The following CFAP54 variants were observed in gnomAD, a reference collection of about 807,000 sequenced individuals.
CFAP54 encodes cilia and flagella associated protein 54, also known as cilia- and flagella-associated protein 54.
In CFAP54, 290 loss-of-function variants were observed where a neutral mutation model predicts 370.4. The ratio of observed to expected loss-of-function variants is 0.78; its 90% CI spans 0.71 to 0.86. The LOEUF (loss-of-function observed/expected upper bound fraction) is 0.86, where lower values mean the gene tolerates loss of function less well. Among genes scored for constraint, CFAP54 ranks in the 40% least tolerant of loss-of-function variants. CFAP54 has a pLI of 0.00. For missense variants in CFAP54, 3,399 were observed against 3,528.7 expected (o/e 0.96, Z 0.93); for synonymous variants, 1,206 against 1,236.5 (o/e 0.98, Z 0.52).
intron 67 of CFAP54, among the ~76,000 whole-genome samples, chr12:96,869,960 G>A (rs1214638172): frequency 3.4e-5 from 5 of 148,310 alleles, no homozygotes; most frequent in Admixed American, 6.7e-5. Context: ...AAAAAAGGAA[G>A]GAAGGAAGGT....
chr12:96,684,934 G>A (rs944523159), intron 41 of CFAP54, 95 bp from the exon 42 acceptor site: 9 of 1,163,888 alleles, frequency 7.7e-6, no homozygotes, highest in Non-Finnish European at 1.1e-5. Context: ...TATGTTAATT[G>A]ACGTTGCTTC....
At chr12:96,534,713 A>G (rs946571698) in intron 11 of CFAP54, among the ~76,000 whole-genome samples, 7 of 152,184 alleles carry the variant, frequency 4.6e-5, no homozygotes, top group Admixed American at 1.3e-4. Flanking sequence ...TCTGCTTTTT[A>G]CACCAAAGAG....
intron 39 of CFAP54, among the ~76,000 whole-genome samples, chr12:96,673,649 AGCATGTTG>A (rs1957172550): frequency 6.6e-6 from 1 of 152,178 alleles, no homozygotes; most frequent in Non-Finnish European, 1.5e-5. Context: ...CATATTTATA[AGCATGTTG>A]GGTCTTATGT....
rs907223204 is a variant in CFAP54 at position 96,641,031 on chromosome 12, C to T, written c.4317-3147C>T. Reference sequence around the variant, plus strand: ...ATAGGCATGGGCAAGGACTTCATGTCTAAAACACCAAAAGCAATGGCAAGA... The same window carrying T: ...ATAGGCATGGGCAAGGACTTCATGTTTAAAACACCAAAAGCAATGGCAAGA... On this transcript the variant is annotated intron_variant, in intron 32 of 67. Coordinates refer to ENST00000524981, the MANE Select transcript of CFAP54 (RefSeq NM_001306084.2). Among the ~76,000 whole-genome samples, 18 of 152,162 alleles carry T rather than the reference C, an allele frequency of 1.2e-4. No individual in the cohort carries two copies. In the South Asian group the frequency reaches 1.5e-3, roughly 12 times the overall value.
chr12:96,698,276 A>G (rs1359951497), intron 45 of CFAP54, among the ~76,000 whole-genome samples: 1 of 152,224 alleles, frequency 6.6e-6, no homozygotes. Context: ...CTGCTGGATT[A>G]TATTCAAATT....
intron 27 of CFAP54, among the ~76,000 whole-genome samples, 154 bp downstream of exon 27, chr12:96,621,875 G>GTTTGTTTT (rs1956496257): frequency 5.0e-3 from 249 of 49,994 alleles, no homozygotes; most frequent in Middle Eastern, 0.026. Flanking sequence ...TTTTGGGTTT[G>GTTTGTTTT]TTTTTTTTTT....
intron 39 of CFAP54, among the ~76,000 whole-genome samples, chr12:96,669,680 C>T (rs1383519892): frequency 6.6e-6 from 1 of 152,096 alleles, no homozygotes; most frequent in East Asian, 1.9e-4. Flanking sequence ...TGGAGAGGGG[C>T]AGGTTAGAGG....
Position 96,751,632 on chromosome 12 carries a change from G to T in CFAP54, c.7685-2111G>T, listed in dbSNP as rs1471954452. Among the ~76,000 whole-genome samples the T allele has an allele frequency of 3.9e-5, 6 of 152,138 alleles. No homozygotes were observed. In the East Asian group the frequency reaches 1.2e-3, roughly 29 times the overall value. On this transcript the variant is annotated intron_variant, in intron 55 of 67. Coordinates refer to ENST00000524981, the MANE Select transcript of CFAP54 (RefSeq NM_001306084.2). Reference sequence around the variant, plus strand: ...CAAAAAGGGGAGATGTTGAAATATGGTTGTGCTGAACAAATTAGCATATCT... The same window carrying T: ...CAAAAAGGGGAGATGTTGAAATATGTTTGTGCTGAACAAATTAGCATATCT...
At chr12:96,816,807 A>C (rs1298132930) in intron 64 of CFAP54, among the ~76,000 whole-genome samples, 1 of 152,106 alleles carries the variant, frequency 6.6e-6, no homozygotes, top group Non-Finnish European at 1.5e-5. Flanking sequence ...CTTCAACTGT[A>C]AGCCTTTTCA....
At chr12:96,533,231 A>G (rs1955460285) in intron 9 of CFAP54, among the ~76,000 whole-genome samples, 2 of 152,096 alleles carry the variant, frequency 1.3e-5, no homozygotes, top group Admixed American at 1.3e-4. Flanking sequence ...CTTCTGAGTA[A>G]CAGAGACTAT....
intron 4 of CFAP54, among the ~76,000 whole-genome samples, chr12:96,510,115 T>A (rs1474014649): frequency 2.0e-5 from 3 of 151,704 alleles, no homozygotes; most frequent in African/African-American, 7.3e-5. Flanking sequence ...TGGCCGGGTG[T>A]GGTGGCGTGT....
At chr12:96,759,485 A>G (rs888344543) in intron 58 of CFAP54, among the ~76,000 whole-genome samples, 4 of 152,228 alleles carry the variant, frequency 2.6e-5, no homozygotes, top group African/African-American at 9.6e-5. Flanking sequence ...GTTTTGACAT[A>G]GTATAAATAT....
At chr12:96,740,162 G>T in intron 51 of CFAP54, 101 bp downstream of exon 51, 2 of 680,644 alleles carry the variant, frequency 2.9e-6, no homozygotes, top group South Asian at 1.9e-5. Context: ...AAGGAGTAAA[G>T]TAGAAAAAAC....
intron 15 of CFAP54, among the ~76,000 whole-genome samples, chr12:96,549,795 A>G (rs1955676172): frequency 6.6e-6 from 1 of 152,194 alleles, no homozygotes; most frequent in Non-Finnish European, 1.5e-5. Flanking sequence ...TTTTTCTCTT[A>G]TATCTTACGT....
intron 60 of CFAP54, among the ~76,000 whole-genome samples, chr12:96,777,065 A>T (rs1261239592): frequency 6.6e-6 from 1 of 152,196 alleles, no homozygotes; most frequent in Non-Finnish European, 1.5e-5. Flanking sequence ...TTCATTTTTG[A>T]ACAAATGTTT....
chr12:96,507,200 C>A, intron 4 of CFAP54, 101 bp downstream of exon 4: 3 of 893,994 alleles, frequency 3.4e-6, no homozygotes, highest in Non-Finnish European at 3.1e-6. Flanking sequence ...AAAACATACG[C>A]ATTTCATAAT....
At position 96,835,920 on chromosome 12, in the gene CFAP54, G is replaced by T. The variant is rs80034648; in HGVS notation, c.9171+6832G>T. ...GGAGTGGCTGCTGCCATCATTAGGAGAGCAGCAGTCATAAAGGAAAAGAAC... is the reference window on the plus strand; with the variant it reads ...GGAGTGGCTGCTGCCATCATTAGGATAGCAGCAGTCATAAAGGAAAAGAAC... On this transcript the variant is annotated intron_variant, in intron 66 of 67. Transcript: ENST00000524981. Among the ~76,000 whole-genome samples the T allele has an allele frequency of 9.5e-3, 1,448 of 152,232 alleles. 55 individuals are homozygous for T. In the East Asian group the frequency reaches 0.099, roughly 10 times the overall value.
intron 67 of CFAP54, among the ~76,000 whole-genome samples, chr12:96,874,126 T>G (rs2111199): frequency 0.36 from 54,734 of 151,916 alleles, 10,484 homozygotes; most frequent in East Asian, 0.43. Flanking sequence ...ACATCTCCAT[T>G]TAGAAGTTTA....
At chr12:96,535,445 C>A in intron 11 of CFAP54, 70 bp from the exon 12 acceptor site, 1 of 940,752 alleles carries the variant, frequency 1.1e-6, no homozygotes, top group Non-Finnish European at 1.6e-6. Context: ...ATTTGTGTTT[C>A]TGTGCCTTTT....
Sources: allele counts gnomAD v4.1 joint callset (sites outside exome capture counted in the v4.1 genomes callset), GRCh38; gene constraint gnomAD v4.1.1; transcripts MANE v1.5; gene names NCBI Gene and HGNC (gene_info 2026-07-23, HGNC 2026-07-21).